The following KALRN variants were observed in gnomAD, a reference collection of about 807,000 sequenced individuals.
KALRN encodes the protein kalirin.
In KALRN, 70 loss-of-function variants were observed where a neutral mutation model predicts 353.7. The observed-to-expected ratio is 0.20, with a 90% CI of 0.16 to 0.24. The LOEUF (loss-of-function observed/expected upper bound fraction) is 0.24. Ranked by LOEUF, KALRN falls within the 10% of genes least tolerant of loss-of-function variation. The pLI is 1.00. For missense variants in KALRN, 2,791 were observed against 3,756.7 expected (o/e 0.74, Z 6.72); for synonymous variants, 1,391 against 1,434.8 (o/e 0.97, Z 0.69).
At chr3:124,602,618 G>A (rs1043930743) in intron 34 of KALRN, among the ~76,000 whole-genome samples, 2 of 152,190 alleles carry the variant, frequency 1.3e-5, no homozygotes. Flanking sequence ...GTGTTCAGGG[G>A]AGGCCTTGTG....
chr3:124,170,831 C>CTTTTTTTTTTTTTTTTTT (rs752783614), intron 1 of KALRN, among the ~76,000 whole-genome samples: 1 of 47,118 alleles, frequency 2.1e-5, no homozygotes, highest in Non-Finnish European at 3.9e-5. Flanking sequence ...CTTCCACATT[C>CTTTTTTTTTTTTTTTTTT]TTTTTTTTTT....
At chr3:124,138,037 C>T (rs1441117192) in intron 1 of KALRN, among the ~76,000 whole-genome samples, 1 of 152,086 alleles carries the variant, frequency 6.6e-6, no homozygotes, top group Non-Finnish European at 1.5e-5. Flanking sequence ...CCCAGGGATC[C>T]CCAGTGGCCC....
chr3:124,568,662 G>A (rs2073152244), intron 34 of KALRN, among the ~76,000 whole-genome samples: 1 of 152,160 alleles, frequency 6.6e-6, no homozygotes, highest in Non-Finnish European at 1.5e-5. Context: ...TTCAGCCTTA[G>A]AAAGTTAGGA....
At chr3:124,228,685 A>G (rs1393906021) in intron 2 of KALRN, among the ~76,000 whole-genome samples, 2 of 152,120 alleles carry the variant, frequency 1.3e-5, no homozygotes, top group Non-Finnish European at 2.9e-5. Context: ...TTGTTTATGG[A>G]GTGTATTAGT....
intron 13 of KALRN, among the ~76,000 whole-genome samples, chr3:124,412,503 A>G (rs1412042096): frequency 6.6e-6 from 1 of 152,214 alleles, no homozygotes; most frequent in Non-Finnish European, 1.5e-5. Flanking sequence ...TTTAATTTTG[A>G]TTCACACAAG....
intron 2 of KALRN, among the ~76,000 whole-genome samples, chr3:124,232,219 G>A (rs1460937645): frequency 6.6e-6 from 1 of 152,138 alleles, no homozygotes; most frequent in African/African-American, 2.4e-5. Flanking sequence ...AGATACTGTG[G>A]CCAAAGCTTT....
At chr3:124,572,647 T>C (rs181925600) in intron 34 of KALRN, among the ~76,000 whole-genome samples, 20 of 152,292 alleles carry the variant, frequency 1.3e-4, no homozygotes, top group East Asian at 3.9e-4. Context: ...GGTAGAAATG[T>C]TAAGTAAAAG....
intron 1 of KALRN, among the ~76,000 whole-genome samples, chr3:124,065,577 G>A (rs1400937221): frequency 2.0e-5 from 3 of 148,504 alleles, no homozygotes; most frequent in African/African-American, 5.0e-5. Context: ...CTAGGTTATG[G>A]TGACTAGTTA....
At chr3:124,388,228 C>G (rs1250330627) in intron 11 of KALRN, among the ~76,000 whole-genome samples, 1 of 151,778 alleles carries the variant, frequency 6.6e-6, no homozygotes, top group Non-Finnish European at 1.5e-5. Context: ...ATTTTTTTTC[C>G]TAGTAGGAAA....
intron 33 of KALRN, among the ~76,000 whole-genome samples, chr3:124,506,465 AT>A (rs1258824585): frequency 4.6e-5 from 7 of 151,642 alleles, no homozygotes; most frequent in East Asian, 1.9e-4. Flanking sequence ...AGATAGTCTA[AT>A]TTTTTTTTCT....
intron 6 of KALRN, among the ~76,000 whole-genome samples, chr3:124,319,029 C>T (rs2079069550): frequency 6.6e-6 from 1 of 152,036 alleles, no homozygotes; most frequent in African/African-American, 2.4e-5. Flanking sequence ...GTCATTAAAA[C>T]CTGCTTATTC....
In KALRN at chr3:124,648,938, T is replaced by G. The variant is rs201725435; in HGVS notation, c.5665-1870T>G. Among the ~76,000 whole-genome samples the G allele has an allele frequency of 9.2e-5, 14 of 152,346 alleles. No individual in the cohort carries two copies. In the East Asian group the frequency reaches 2.7e-3, roughly 29 times the overall value. On this transcript the variant is annotated intron_variant, in intron 37 of 59. Coordinates refer to ENST00000682506, the MANE Select transcript of KALRN (RefSeq NM_001388419.1). ...AACCCTTCTTGACCTTTCCATATTTTTAGCCTATACTGCTGCTCTGGATAT... is the reference window on the plus strand; with the variant it reads ...AACCCTTCTTGACCTTTCCATATTTGTAGCCTATACTGCTGCTCTGGATAT...
chr3:124,491,262 G>A, intron 30 of KALRN, 61 bp from the exon 31 acceptor site: 1 of 1,076,920 alleles, frequency 9.3e-7, no homozygotes, highest in Non-Finnish European at 1.3e-6. Context: ...TCCCACCCCA[G>A]CCCTAAGTTT....
chr3:124,412,315 A>T (rs749342463), intron 13 of KALRN, among the ~76,000 whole-genome samples: 1 of 152,072 alleles, frequency 6.6e-6, no homozygotes, highest in East Asian at 1.9e-4. Context: ...CATGAAAACC[A>T]CTCAACTAAG....
chr3:124,637,002 G>A, intron 36 of KALRN: 1 of 569,950 alleles, frequency 1.8e-6, no homozygotes, highest in Non-Finnish European at 3.2e-6. Flanking sequence ...CCATCCATTT[G>A]CTGCTGGCTA....
chr3:124,561,119 G>A (rs572150812), intron 33 of KALRN, among the ~76,000 whole-genome samples: 3 of 152,316 alleles, frequency 2.0e-5, no homozygotes, highest in South Asian at 2.1e-4. Context: ...GATAATTAAT[G>A]CAAAGGTATT....
chr3:124,169,375 TC>T (rs1166489277), intron 1 of KALRN, among the ~76,000 whole-genome samples: 1 of 152,074 alleles, frequency 6.6e-6, no homozygotes, highest in African/African-American at 2.4e-5. Flanking sequence ...AGGGAGGATC[TC>T]CCTACAGGGT....
At chr3:124,247,243 G>T (rs375100664) in intron 3 of KALRN, among the ~76,000 whole-genome samples, 2 of 152,150 alleles carry the variant, frequency 1.3e-5, no homozygotes, top group East Asian at 3.9e-4. Context: ...TTTGTCAGAG[G>T]CTCCAATGGT....
At chr3:124,316,252 A>G (rs893457419) in intron 6 of KALRN, among the ~76,000 whole-genome samples, 13 of 152,142 alleles carry the variant, frequency 8.5e-5, no homozygotes, top group African/African-American at 3.1e-4. Flanking sequence ...CTGCTGTAGT[A>G]GCTCCTACCT....
Sources: allele counts gnomAD v4.1 joint callset (sites outside exome capture counted in the v4.1 genomes callset), GRCh38; gene constraint gnomAD v4.1.1; transcripts MANE v1.5; gene names NCBI Gene and HGNC (gene_info 2026-07-23, HGNC 2026-07-21).